Variants in PTPRK observed in about 807,000 individuals in gnomAD.
PTPRK encodes protein tyrosine phosphatase receptor type K.
In PTPRK, 75 loss-of-function variants were observed where a neutral mutation model predicts 178.0. The ratio of observed to expected loss-of-function variants is 0.42; its 90% CI spans 0.35 to 0.51. The LOEUF is 0.51. Ranked by LOEUF, PTPRK falls within the 20% of genes least tolerant of loss-of-function variation. The pLI is 0.02. For synonymous variants in PTPRK, 637 were observed against 620.6 expected (o/e 1.03, Z -0.39); for missense variants, 1,441 against 1,797.8 (o/e 0.80, Z 3.59).
At chr6:128,215,917 C>T (rs919146209) in intron 6 of PTPRK, among the ~76,000 whole-genome samples, 2 of 151,856 alleles carry the variant, frequency 1.3e-5, no homozygotes, top group Non-Finnish European at 2.9e-5. Flanking sequence ...AGTTAATTCT[C>T]AGCACTGTTT....
At chr6:128,185,506 T>C (rs779713628) in intron 6 of PTPRK, among the ~76,000 whole-genome samples, 1 of 152,124 alleles carries the variant, frequency 6.6e-6, no homozygotes, top group Non-Finnish European at 1.5e-5. Flanking sequence ...GACACCGAAC[T>C]TTATGAAGGA....
chr6:128,483,181 G>A (rs1024989318), intron 1 of PTPRK, among the ~76,000 whole-genome samples: 1 of 152,056 alleles, frequency 6.6e-6, no homozygotes, highest in African/African-American at 2.4e-5. Flanking sequence ...CAAAAGTCGT[G>A]TTTTTTCTAC....
chr6:128,045,794 C>A (rs913468088), intron 13 of PTPRK, among the ~76,000 whole-genome samples: 1 of 151,926 alleles, frequency 6.6e-6, no homozygotes, highest in African/African-American at 2.4e-5. Flanking sequence ...ATACCCATAC[C>A]CTCATGAACT....
At chr6:128,497,138 T>C (rs1178238537) in intron 1 of PTPRK, among the ~76,000 whole-genome samples, 2 of 152,206 alleles carry the variant, frequency 1.3e-5, no homozygotes, top group Non-Finnish European at 2.9e-5. Context: ...TATTCTATAC[T>C]ACCAGCAAGT....
At chr6:128,427,464 C>T (rs115054078) in intron 1 of PTPRK, among the ~76,000 whole-genome samples, 1 of 152,188 alleles carries the variant, frequency 6.6e-6, no homozygotes, top group Non-Finnish European at 1.5e-5. Context: ...AAGCACACTT[C>T]TTTGTGCCAT....
chr6:128,239,394 C>T (rs144305624), intron 5 of PTPRK, among the ~76,000 whole-genome samples: 1 of 152,168 alleles, frequency 6.6e-6, no homozygotes, highest in Non-Finnish European at 1.5e-5. Flanking sequence ...TCTATAAATT[C>T]TCTGAAGGCA....
intron 7 of PTPRK, among the ~76,000 whole-genome samples, chr6:128,148,622 A>C (rs1796827945): frequency 6.6e-6 from 1 of 152,218 alleles, no homozygotes; most frequent in South Asian, 2.1e-4. Flanking sequence ...AAGAGACTTG[A>C]TATTCCTTAA....
rs571084158 is a variant in PTPRK, at chr6:128,438,315, T to C, written c.101-40627A>G. Among the ~76,000 whole-genome samples the C allele has an allele frequency of 3.9e-5, 6 of 152,342 alleles. No individual in the cohort carries two copies. In the East Asian group the frequency reaches 1.2e-3, roughly 29 times the overall value. ...TGGATGCCAACCCTTGGCTCTTCAT[T>C]CTACCTACTCTTATACACACAGTAA... On this transcript the variant is annotated intron_variant, in intron 1 of 29. Transcript: ENST00000368226.
chr6:128,260,722 G>A (rs1818055235), intron 3 of PTPRK, among the ~76,000 whole-genome samples: 1 of 152,054 alleles, frequency 6.6e-6, no homozygotes, highest in African/African-American at 2.4e-5. Flanking sequence ...TTCAAAACAA[G>A]CTTAGTTCTC....
intron 7 of PTPRK, among the ~76,000 whole-genome samples, chr6:128,105,130 C>CTT (rs1382748903): frequency 4.3e-5 from 6 of 140,756 alleles, no homozygotes; most frequent in East Asian, 2.0e-4. Flanking sequence ...TCACTTATTT[C>CTT]TTTTTTTTTT....
intron 7 of PTPRK, among the ~76,000 whole-genome samples, chr6:128,120,966 A>G (rs1237559692): frequency 6.6e-6 from 1 of 151,892 alleles, no homozygotes; most frequent in Admixed American, 6.6e-5. Context: ...ATTGGAAGAG[A>G]AAAAAATAAT....
intron 3 of PTPRK, among the ~76,000 whole-genome samples, chr6:128,254,305 T>A (rs1388537436): frequency 6.6e-6 from 1 of 152,068 alleles, no homozygotes; most frequent in Admixed American, 6.6e-5. Context: ...CAAATATAAT[T>A]ACATATTATT....
At chr6:128,383,838 A>G (rs902497680) in intron 2 of PTPRK, among the ~76,000 whole-genome samples, 2 of 152,230 alleles carry the variant, frequency 1.3e-5, no homozygotes, top group African/African-American at 4.8e-5. Context: ...CACAAAAGTA[A>G]TAAGTCAAAA....
intron 11 of PTPRK, 43 bp from the exon 12 acceptor site, chr6:128,067,835 A>G: frequency 6.8e-7 from 1 of 1,476,640 alleles, no homozygotes; most frequent in Non-Finnish European, 9.0e-7. Flanking sequence ...ATATACACAC[A>G]TATTTAGAGA....
intron 7 of PTPRK, among the ~76,000 whole-genome samples, chr6:128,120,218 T>C (rs1284275344): frequency 2.0e-5 from 3 of 151,988 alleles, no homozygotes; most frequent in Admixed American, 6.5e-5. Context: ...TCTATTCTTA[T>C]AGACATGATT....
intron 3 of PTPRK, among the ~76,000 whole-genome samples, chr6:128,310,125 A>C (rs1827017154): frequency 6.6e-6 from 1 of 152,186 alleles, no homozygotes; most frequent in Non-Finnish European, 1.5e-5. Context: ...TAGATGACTA[A>C]GCTTTTACTT....
chr6:128,116,411 G>T (rs1791532713), intron 7 of PTPRK, among the ~76,000 whole-genome samples: 1 of 150,702 alleles, frequency 6.6e-6, no homozygotes, highest in Non-Finnish European at 1.5e-5. Context: ...ACAGATACAT[G>T]TGAATATATT....
chr6:128,506,194 T>C (rs1383208177), intron 1 of PTPRK, among the ~76,000 whole-genome samples: 1 of 152,214 alleles, frequency 6.6e-6, no homozygotes, highest in Non-Finnish European at 1.5e-5. Flanking sequence ...TGATTAATTC[T>C]AATTCTCTCA....
intron 2 of PTPRK, among the ~76,000 whole-genome samples, chr6:128,384,719 C>T (rs1838451527): frequency 6.6e-6 from 1 of 151,716 alleles, no homozygotes; most frequent in Non-Finnish European, 1.5e-5. Context: ...GAATACAAGG[C>T]AATCGTGAAA....
Sources: gnomAD v4.1 joint callset for allele counts (sites outside exome capture counted in the v4.1 genomes callset) on GRCh38, gnomAD v4.1.1 for gene constraint, MANE v1.5 for transcripts, NCBI Gene and HGNC (gene_info 2026-07-23, HGNC 2026-07-21) for gene names.